The following COL1A2 variants were observed in gnomAD, a reference collection of about 807,000 sequenced individuals.
COL1A2 encodes the protein collagen alpha-2(I) chain.
A neutral mutation model predicts 174.3 loss-of-function variants in COL1A2; 49 were observed. The ratio of observed to expected loss-of-function variants is 0.28; its 90% confidence interval spans 0.22 to 0.36. The LOEUF is 0.36. Ranked by LOEUF, COL1A2 falls within the 10% of genes least tolerant of loss-of-function variation. COL1A2 has a pLI of 1.00. For synonymous variants in COL1A2, 655 were observed against 606.6 expected, an observed-to-expected ratio of 1.08 and a Z score of -1.17; for missense variants, 1,438 against 1,822.7, an observed-to-expected ratio of 0.79 and a Z score of 3.84.
intron 11 of COL1A2, 62 bp from the exon 12 acceptor site, chr7:94,406,187 AC>A (rs1419093572): frequency 6.5e-7 from 1 of 1,532,926 alleles, no homozygotes; most frequent in Non-Finnish European, 9.0e-7. Context: ...GATATACAAT[AC>A]AATTTTTATT....
intron 1 of COL1A2, among the ~76,000 whole-genome samples, chr7:94,397,290 C>G (rs1454559831): frequency 1.3e-5 from 2 of 151,980 alleles, no homozygotes; most frequent in African/African-American, 2.4e-5. Flanking sequence ...AAAACAAATT[C>G]AATATAGAAT....
rs376629202 is a variant in COL1A2 at position 94,411,081 on chromosome 7, G to T, written c.1277G>T (p.Ser426Ile). The T allele has an allele frequency of 1.2e-6, 2 of 1,602,960 alleles. No individual in the cohort carries two copies. The highest frequency in any genetic ancestry group is 1.7e-6 in the Non-Finnish European group (2 of 1,175,416). Reference protein sequence around the residue: ...VMGPPGSRGASGPAGVRGPNG... With the variant: ...VMGPPGSRGAIGPAGVRGPNG... ...GGCCCTCCTGGTAGTCGTGGTGCAA[G>T]TGGCCCTGCTGGAGTCCGAGGACCT... The change falls in exon 23 of 52, where the codon AGT (serine) becomes ATT (isoleucine). Residue 426 changes from serine (S) to isoleucine (I), a missense_variant. Ser to Ile is a moderately radical substitution (Grantham distance 142). Around this residue, in one of 3 missense-constraint regions of COL1A2, gnomAD observed 867 missense variants for 1,213.7 expected, o/e 0.71. Transcript: ENST00000297268.
In COL1A2 at chr7:94,419,415, A is replaced by G. The variant is rs534138305; in HGVS notation, c.2026-83A>G. On this transcript the variant is annotated intron_variant, in intron 33 of 51. Coordinates refer to ENST00000297268, the MANE Select transcript of COL1A2 (RefSeq NM_000089.4). ...CAGTGAAAGTGTTCAGTCACTGTATAAGCACAGAAAAAAAGAATGACAAGG... is the reference window on the plus strand; with the variant it reads ...CAGTGAAAGTGTTCAGTCACTGTATGAGCACAGAAAAAAAGAATGACAAGG... 359 of 1,478,232 alleles carry G rather than the reference A, an allele frequency of 2.4e-4. 1 individual carries two copies. The African/African-American group carries it at 4.2e-3, about 17-fold the overall frequency. 91.6% of individuals were successfully genotyped at this position (1,478,232 alleles called of 1,614,324 possible). A position where few individuals can be genotyped will look rare whatever the true frequency, so the allele number is the denominator to read the frequency against.
chr7:94,422,836 G>A (rs1489540151), intron 39 of COL1A2, 121 bp from the exon 40 acceptor site: 1 of 1,182,844 alleles, frequency 8.5e-7, no homozygotes, highest in Non-Finnish European at 1.3e-6. Context: ...TCCCCCAAAT[G>A]GCCAGGGTAT....
chr7:94,404,418 T>G (rs1018954472), intron 6 of COL1A2, 138 bp from the exon 7 acceptor site: 1 of 909,994 alleles, frequency 1.1e-6, no homozygotes, highest in Non-Finnish European at 1.8e-6. Flanking sequence ...TTTGAGTCCT[T>G]AAATTCTTCC....
intron 29 of COL1A2, 115 bp downstream of exon 29, chr7:94,414,390 G>A (rs1282275483): frequency 6.5e-6 from 6 of 929,734 alleles, no homozygotes; most frequent in Middle Eastern, 2.4e-4. Flanking sequence ...TATTTCATAT[G>A]TTAATGATAG....
Position 94,417,838 on chromosome 7 carries a change from G to A in COL1A2, c.1971+7G>A. The A allele has an allele frequency of 6.3e-7, 1 of 1,581,604 alleles. No homozygotes were observed. Among genetic ancestry groups the A allele is most frequent in the Non-Finnish European group, 8.6e-7 (1 of 1,161,234 alleles). ...TGGAGGCAAGGGAGAAAAGGTACGTGTTGACCCCTATTACATATTGTTGAT... is the reference window on the plus strand; with the variant it reads ...TGGAGGCAAGGGAGAAAAGGTACGTATTGACCCCTATTACATATTGTTGAT... On this transcript the variant is annotated splice_region_variant and intron_variant, in intron 32 of 51. Transcript: ENST00000297268.
In COL1A2 at chr7:94,430,829, G is replaced by A; in HGVS notation, c.*436G>A. On this transcript the variant is annotated 3_prime_UTR_variant, in exon 52 of 52. Coordinates refer to ENST00000297268, the MANE Select transcript of COL1A2 (RefSeq NM_000089.4). ...ACATTGTTAGGTGCTGACCTAGACA[G>A]AGATGAACTGAGGTCCTTGTTTTGT... 5.4e-6 allele frequency: 1 copy of A among 184,138 alleles called. No homozygotes were observed. Among genetic ancestry groups the A allele is most frequent in the East Asian group, 1.5e-4 (1 of 6,722 alleles). 11.4% of individuals were successfully genotyped at this position (184,138 alleles called of 1,614,324 possible).
chr7:94,427,343 A>G, intron 48 of COL1A2, 48 bp downstream of exon 48: 1 of 1,514,062 alleles, frequency 6.6e-7, no homozygotes, highest in Non-Finnish European at 9.0e-7. Flanking sequence ...GACCTAAGGA[A>G]TGTTTTCTTC....
chr7:94,430,375 C>T lies in COL1A2; in HGVS notation c.4083C>T (p.Gly1361=), dbSNP rs751795987. Residue 1361 remains glycine, a synonymous_variant, in exon 52 of 52, where the codon GGC becomes GGT. Coordinates refer to ENST00000297268, the MANE Select transcript of COL1A2 (RefSeq NM_000089.4). The stretch of plus-strand genomic sequence containing the variant: ...ACCAGGAATTCTTTGTGGACATTGG[C>T]CCAGTCTGTTTCAAATAAATGAACT... ...GADQEFFVDI[G]PVCFK is the part of the protein sequence containing the mutation. The T allele has an allele frequency of 6.2e-6, 10 of 1,613,798 alleles. No homozygotes were observed. The highest frequency in any genetic ancestry group is 1.7e-5 in the Admixed American group (1 of 59,994).
Position 94,416,490 on chromosome 7 carries a change from C to G in COL1A2, c.1850C>G (p.Pro617Arg). The G allele has an allele frequency of 6.4e-7, 1 of 1,570,150 alleles. No individual in the cohort carries two copies. Among genetic ancestry groups the G allele is most frequent in the Non-Finnish European group, 8.6e-7 (1 of 1,156,588 alleles). Residue 617 changes from proline (P) to arginine (R), a missense_variant, in exon 31 of 52, where the codon CCT becomes CGT. Transcript: ENST00000297268. ...GSRGPSGPPG[P>R]DGNKGEPGVV... Reference sequence around the variant, plus strand: ...CGAGGTCCTTCTGGACCCCCAGGGCCTGATGGAAACAAGGTAAAATCTTAT... The same window carrying G: ...CGAGGTCCTTCTGGACCCCCAGGGCGTGATGGAAACAAGGTAAAATCTTAT...
chr7:94,424,393 C>A lies in COL1A2; in HGVS notation c.2623C>A (p.Leu875Ile). The change falls in exon 41 of 52, where the codon CTC becomes ATC. Residue 875 changes from leucine to isoleucine, a missense_variant. Leu to Ile is a conservative substitution (Grantham distance 5, BLOSUM62 2). Around this residue, in one of 3 missense-constraint regions of COL1A2, gnomAD observed 867 missense variants for 1,213.7 expected, o/e 0.71. Transcript: ENST00000297268. ...TCTTGGTGCTCCTGGTATTCTGGGT[C>A]TCCCTGGCTCGAGAGGTGAACGTGG... ...GLLGAPGILG[L>I]PGSRGERGLP... 6.2e-7 allele frequency: 1 copy of A among 1,614,136 alleles called. No individual in the cohort carries two copies.
In COL1A2 at chr7:94,416,401, T is replaced by C; in HGVS notation, c.1765-4T>C. ...GCAACACTTCTTCTAATCACTTTTTTCAGGGGGAACGCGGTCCCCCAGGTG... is the reference window on the plus strand; with the variant it reads ...GCAACACTTCTTCTAATCACTTTTTCCAGGGGGAACGCGGTCCCCCAGGTG... On this transcript the variant is annotated splice_polypyrimidine_tract_variant and splice_region_variant and intron_variant, in intron 30 of 51. Coordinates refer to ENST00000297268, the MANE Select transcript of COL1A2 (RefSeq NM_000089.4). The C allele has an allele frequency of 6.4e-7, 1 of 1,565,000 alleles. No individual in the cohort carries two copies. Among genetic ancestry groups the C allele is most frequent in the Non-Finnish European group, 8.7e-7 (1 of 1,153,458 alleles).
intron 19 of COL1A2, among the ~76,000 whole-genome samples, 169 bp from the exon 20 acceptor site, chr7:94,410,073 C>A (rs970466675): frequency 6.6e-6 from 1 of 152,168 alleles, no homozygotes; most frequent in Non-Finnish European, 1.5e-5. Flanking sequence ...TTTGTCCCTT[C>A]GACCAATAAT....
chr7:94,417,208 A>G (rs1439304259), intron 31 of COL1A2, among the ~76,000 whole-genome samples: 11 of 152,186 alleles, frequency 7.2e-5, no homozygotes, highest in Non-Finnish European at 1.2e-4. Flanking sequence ...TTTGTGAGGT[A>G]GTACTTTCAA....
intron 5 of COL1A2, among the ~76,000 whole-genome samples, chr7:94,400,686 G>C (rs546031333): frequency 6.6e-6 from 1 of 152,284 alleles, no homozygotes; most frequent in South Asian, 2.1e-4. Context: ...CTTGAAGTCT[G>C]CTGAACCAAC....
rs1324518930 is a variant in COL1A2, at chr7:94,420,615, T to C, written c.2262T>C (p.Gly754=). Residue 754 remains glycine, a synonymous_variant, in exon 37 of 52, where the codon GGT becomes GGC. Transcript: ENST00000297268. ...KGPKGENGVV[G]PTGPVGAAGP... ...CTAAGGGTGAAAACGGTGTTGTTGG[T>C]CCCACAGGCCCCGTTGGAGCTGCTG... 6.2e-7 allele frequency: 1 copy of C among 1,609,714 alleles called. No homozygotes were observed. Among genetic ancestry groups the C allele is most frequent in the Non-Finnish European group, 8.5e-7 (1 of 1,177,948 alleles).
At chr7:94,428,828 C>A (rs1323236047) in intron 50 of COL1A2, among the ~76,000 whole-genome samples, 1 of 152,192 alleles carries the variant, frequency 6.6e-6, no homozygotes, top group Non-Finnish European at 1.5e-5. Flanking sequence ...TTTTCACCAA[C>A]TTTACTGAAT....
Position 94,417,579 on chromosome 7 carries a change from C to T in COL1A2, c.1864-145C>T, listed in dbSNP as rs952601202. ...CATCTCTCTCTGCTATATTCTCCCT[C>T]CTTTCAATAGCCCAGCCTTCTTTGT... On this transcript the variant is annotated intron_variant, in intron 31 of 51. Transcript: ENST00000297268. The T allele has an allele frequency of 2.1e-5, 15 of 705,894 alleles. 1 individual carries two copies. The East Asian group carries it at 3.6e-4, about 17-fold the overall frequency. The allele number at this position is 705,894 out of a possible 1,614,324, so 43.7% of individuals were successfully genotyped here.
Sources: gnomAD v4.1 joint callset for allele counts (sites outside exome capture counted in the v4.1 genomes callset) on GRCh38, gnomAD v4.1.1 for gene constraint, gnomAD v4.1.1 regional missense constraint, MANE v1.5 for transcripts, NCBI Gene and HGNC (gene_info 2026-07-23, HGNC 2026-07-21) for gene names.